KCNT2: variants seen among roughly 807,000 people sequenced by gnomAD.
KCNT2 encodes the protein potassium sodium-activated channel subfamily T member 2.
In KCNT2, 67 loss-of-function variants were observed where a neutral mutation model predicts 153.8. That is an observed-to-expected ratio of 0.44 (90% CI 0.36 to 0.53). KCNT2 has a LOEUF of 0.53. Ranked by LOEUF, KCNT2 falls within the 20% of genes least tolerant of loss-of-function variation. The pLI is 0.00. For missense variants in KCNT2, 975 were observed against 1,354.8 expected, an observed-to-expected ratio of 0.72 and a Z score of 4.40; for synonymous variants, 500 against 458.8, an observed-to-expected ratio of 1.09 and a Z score of -1.15.
intron 25 of KCNT2, among the ~76,000 whole-genome samples, chr1:196,279,350 A>G (rs1466019489): frequency 2.0e-5 from 3 of 152,102 alleles, no homozygotes; most frequent in African/African-American, 7.2e-5. Flanking sequence ...TTGCAGTGTG[A>G]ACCACAACCA....
At chr1:196,467,876 T>C (rs1400986170) in intron 6 of KCNT2, 90 bp from the exon 7 acceptor site, 1 of 609,914 alleles carries the variant, frequency 1.6e-6, no homozygotes, top group Admixed American at 3.1e-5. Context: ...AAAAAGCTGT[T>C]AAAGAAAGTA....
chr1:196,593,756 T>C (rs996059476), intron 1 of KCNT2, among the ~76,000 whole-genome samples: 2 of 152,094 alleles, frequency 1.3e-5, no homozygotes, highest in African/African-American at 4.8e-5. Context: ...AAGATATGAC[T>C]TTCTACACAT....
intron 1 of KCNT2, among the ~76,000 whole-genome samples, chr1:196,593,325 C>T (rs1170376901): frequency 6.7e-5 from 10 of 148,368 alleles, no homozygotes; most frequent in South Asian, 4.2e-4. Context: ...CACACACACA[C>T]ACACACACAC....
At chr1:196,304,180 A>G (rs1304948688) in intron 22 of KCNT2, among the ~76,000 whole-genome samples, 3 of 152,132 alleles carry the variant, frequency 2.0e-5, no homozygotes, top group East Asian at 3.9e-4. Flanking sequence ...CTTTGGATAA[A>G]TCAATAGATG....
At chr1:196,236,133 T>C (rs545701461) in intron 26 of KCNT2, 63 bp from the exon 27 acceptor site, 13 of 880,824 alleles carry the variant, frequency 1.5e-5, no homozygotes, top group Admixed American at 8.6e-5. Flanking sequence ...GAATTACTAG[T>C]GAACAGCTTA....
chr1:196,606,587 T>C (rs1665347814), intron 1 of KCNT2, among the ~76,000 whole-genome samples: 1 of 152,172 alleles, frequency 6.6e-6, no homozygotes, highest in African/African-American at 2.4e-5. Context: ...TCTTAATTAC[T>C]AAAATATTTC....
At chr1:196,524,056 A>G (rs1653850755) in intron 1 of KCNT2, among the ~76,000 whole-genome samples, 2 of 152,158 alleles carry the variant, frequency 1.3e-5, no homozygotes, top group African/African-American at 4.8e-5. Flanking sequence ...TACCTTTCCC[A>G]AAAACGAACA....
intron 21 of KCNT2, among the ~76,000 whole-genome samples, chr1:196,314,860 A>T (rs1400217102): frequency 6.6e-6 from 1 of 151,736 alleles, no homozygotes; most frequent in African/African-American, 2.4e-5. Flanking sequence ...GCTAATATTT[A>T]TTAAGTAATT....
At chr1:196,273,734 T>C (rs1163195867) in intron 25 of KCNT2, among the ~76,000 whole-genome samples, 3 of 151,774 alleles carry the variant, frequency 2.0e-5, no homozygotes, top group Non-Finnish European at 4.4e-5. Flanking sequence ...CCCATTGTAA[T>C]AGTAGAGTGT....
At chr1:196,271,449 G>T (rs1406717827) in intron 25 of KCNT2, among the ~76,000 whole-genome samples, 1 of 151,974 alleles carries the variant, frequency 6.6e-6, no homozygotes, top group African/African-American at 2.4e-5. Flanking sequence ...TGGACAGAAA[G>T]CCATGACTAC....
At chr1:196,236,502 T>C (rs1654454548) in intron 26 of KCNT2, among the ~76,000 whole-genome samples, 1 of 151,464 alleles carries the variant, frequency 6.6e-6, no homozygotes, top group African/African-American at 2.4e-5. Context: ...TACATTATGT[T>C]TAGAAAACAT....
At chr1:196,412,284 C>G (rs1672401006) in intron 12 of KCNT2, among the ~76,000 whole-genome samples, 2 of 151,626 alleles carry the variant, frequency 1.3e-5, no homozygotes. Flanking sequence ...GACTTAGTGT[C>G]ACTTCTACTA....
At chr1:196,272,587 G>A (rs1658171894) in intron 25 of KCNT2, among the ~76,000 whole-genome samples, 1 of 151,892 alleles carries the variant, frequency 6.6e-6, no homozygotes. Context: ...AATTAGAACA[G>A]ATAGAGCTAC....
At chr1:196,413,062 G>A (rs202059925) in intron 12 of KCNT2, among the ~76,000 whole-genome samples, 4 of 151,714 alleles carry the variant, frequency 2.6e-5, no homozygotes, top group South Asian at 4.1e-4. Context: ...GGATAAACTA[G>A]GATGGAAAGG....
chr1:196,305,592 C>A (rs1465863346), intron 21 of KCNT2, among the ~76,000 whole-genome samples: 3 of 152,022 alleles, frequency 2.0e-5, no homozygotes, highest in South Asian at 2.1e-4. Context: ...TTTTTTTAGA[C>A]ATTTTCTCTT....
chr1:196,471,207 C>G (rs1678082048), intron 5 of KCNT2, among the ~76,000 whole-genome samples: 1 of 151,800 alleles, frequency 6.6e-6, no homozygotes, highest in Non-Finnish European at 1.5e-5. Context: ...GCGCCCGGCC[C>G]CTAATTTCTT....
chr1:196,480,585 G>T (rs1249210205), intron 4 of KCNT2, among the ~76,000 whole-genome samples: 1 of 152,076 alleles, frequency 6.6e-6, no homozygotes, highest in Admixed American at 6.6e-5. Context: ...GCCAGGCGCA[G>T]TAGTTCACGT....
At chr1:196,562,632 AC>A (rs1429330385) in intron 1 of KCNT2, among the ~76,000 whole-genome samples, 1 of 151,992 alleles carries the variant, frequency 6.6e-6, no homozygotes, top group Non-Finnish European at 1.5e-5. Context: ...GGGGAAAAAA[AC>A]AAAAATAATA....
chr1:196,305,240 C>T lies in KCNT2; in HGVS notation c.2589G>A (p.Leu863=). The stretch of plus-strand genomic sequence containing the variant: ...TGATAATGTGGGGTCTTACCTTTTC[C>T]AGTTTTGAAAGAGCAAGAGAGTAAC... ...KDCYSLALSK[L]EKKERERGSN... The change falls in exon 22 of 28, where the codon CTG becomes CTA. Residue 863 remains leucine, a synonymous_variant. Coordinates refer to ENST00000294725, the MANE Select transcript of KCNT2 (RefSeq NM_198503.5). The T allele has an allele frequency of 6.3e-7, 1 of 1,595,156 alleles. No individual in the cohort carries two copies.
Sources: allele counts gnomAD v4.1 joint callset (sites outside exome capture counted in the v4.1 genomes callset), GRCh38; gene constraint gnomAD v4.1.1; transcripts MANE v1.5; gene names NCBI Gene and HGNC (gene_info 2026-07-23, HGNC 2026-07-21).